The following UBAP2 variants were observed in gnomAD, a reference collection of about 807,000 sequenced individuals.
The protein encoded by UBAP2 is ubiquitin associated protein 2.
A neutral mutation model predicts 139.6 loss-of-function variants in UBAP2; 75 were observed. The observed-to-expected ratio is 0.54, with a 90% confidence interval of 0.45 to 0.65. UBAP2 has a LOEUF of 0.65. UBAP2 is among the 30% of genes least tolerant of loss of function. The pLI, the probability that UBAP2 is intolerant of heterozygous loss-of-function variation, is 0.00. For synonymous variants in UBAP2, 526 were observed against 526.2 expected (o/e 1.00, Z 0.01); for missense variants, 1,368 against 1,369.6 (o/e 1.00, Z 0.02).
chr9:33,936,605 C>T (rs1160483564), intron 16 of UBAP2, among the ~76,000 whole-genome samples: 1 of 152,128 alleles, frequency 6.6e-6, no homozygotes, highest in South Asian at 2.1e-4. Flanking sequence ...CATTGCGCCA[C>T]TGTACTCCAG....
At chr9:34,040,272 C>G (rs1826945598) in intron 1 of UBAP2, among the ~76,000 whole-genome samples, 1 of 138,960 alleles carries the variant, frequency 7.2e-6, no homozygotes, top group African/African-American at 2.7e-5. Context: ...TGCAGTGAGC[C>G]GAGCCCACGC....
chr9:33,955,249 G>A (rs1390523677), intron 11 of UBAP2, among the ~76,000 whole-genome samples: 3 of 151,926 alleles, frequency 2.0e-5, no homozygotes, highest in Admixed American at 6.6e-5. Context: ...GGCCAGGCGC[G>A]GTGGCTCACA....
In UBAP2 at chr9:33,948,425, A is replaced by T. The variant is rs753439500; in HGVS notation, c.1219T>A (p.Ser407Thr). The stretch of plus-strand genomic sequence containing the variant: ...GATGTTGGGGGCTTGAGGTCCCAAG[A>T]AGTAGTAGTTGTAGGGTGACTTGTA... ...NSTSHPTTTT[S>T]WDLKPPTSQS... Residue 407 changes from serine (S) to threonine (T), a missense_variant, in exon 13 of 29, where the codon TCT becomes ACT. Physicochemically the swap from Ser to Thr is moderately conservative, Grantham distance 58. Transcript: ENST00000379238. The T allele has an allele frequency of 1.4e-5, 23 of 1,613,780 alleles. No homozygotes were observed. The highest frequency in any genetic ancestry group is 1.9e-5 in the Non-Finnish European group (23 of 1,179,874).
At chr9:33,946,738 G>A (rs1039735626) in intron 13 of UBAP2, among the ~76,000 whole-genome samples, 2 of 152,118 alleles carry the variant, frequency 1.3e-5, no homozygotes, top group Non-Finnish European at 2.9e-5. Context: ...TGGCAGAGCT[G>A]GTTTAGGCGC....
At chr9:33,999,881 T>G (rs1822542008) in intron 2 of UBAP2, among the ~76,000 whole-genome samples, 1 of 73,884 alleles carries the variant, frequency 1.4e-5, no homozygotes, top group African/African-American at 3.8e-5. Flanking sequence ...TATGTATGTA[T>G]GTATGTATGT....
At position 33,968,137 on chromosome 9, in the gene UBAP2, G is replaced by T. The variant is rs1827609303; in HGVS notation, c.679+3514C>A. The T allele has an allele frequency of 5.3e-6, 3 of 563,254 alleles. No homozygotes were observed. The East Asian group carries it at 1.3e-4, about 25-fold the overall frequency. 34.9% of individuals were successfully genotyped at this position (563,254 alleles called of 1,614,324 possible). A position where few individuals can be genotyped will look rare whatever the true frequency, so the allele number is the denominator to read the frequency against. On this transcript the variant is annotated intron_variant, in intron 8 of 28. Transcript: ENST00000379238. ...CTCTAGCCATAAAAAAACTCAACAG[G>T]ACACAGACAAATCCAATGAATAGAA...
chr9:34,002,366 C>T (rs1156674545), intron 2 of UBAP2, among the ~76,000 whole-genome samples: 3 of 144,674 alleles, frequency 2.1e-5, no homozygotes, highest in South Asian at 2.2e-4. Context: ...TGACAATCCA[C>T]TGCATAGGTG....
chr9:33,998,957 T>C (rs930148629), intron 2 of UBAP2, 93 bp from the exon 3 acceptor site: 1 of 923,508 alleles, frequency 1.1e-6, no homozygotes, highest in Non-Finnish European at 1.7e-6. Context: ...TCTCAAGCAC[T>C]AGAAATACTA....
intron 9 of UBAP2, among the ~76,000 whole-genome samples, chr9:33,961,579 G>T (rs1394839002): frequency 6.6e-6 from 1 of 152,034 alleles, no homozygotes; most frequent in Non-Finnish European, 1.5e-5. Context: ...GAGGGCCATT[G>T]TTTACAGCAT....
chr9:33,968,405 A>C, intron 8 of UBAP2: 1 of 566,184 alleles, frequency 1.8e-6, no homozygotes, highest in Non-Finnish European at 3.5e-6. Context: ...GAAGCAAGAC[A>C]CCACCACCAG....
Position 33,941,777 on chromosome 9 carries a change from T to G in UBAP2, c.1801A>C (p.Thr601Pro). ...CTAGCAGAATTCAGTGATGAGCTTG[T>G]CAGACTGCAGGAGGTAATGACGGAA... is the stretch of plus-strand genomic sequence containing the variant. ...TTSVITSCSL[T>P]SSSLNSASPV... Residue 601 changes from threonine (T) to proline (P), a missense_variant, in exon 16 of 29, where the codon ACA becomes CCA. Transcript: ENST00000379238. The G allele has an allele frequency of 1.2e-6, 2 of 1,614,130 alleles. No homozygotes were observed. The highest frequency in any genetic ancestry group is 1.7e-6 in the Non-Finnish European group (2 of 1,180,014).
intron 4 of UBAP2, among the ~76,000 whole-genome samples, chr9:33,993,544 C>T (rs1223880028): frequency 1.3e-5 from 2 of 152,164 alleles, no homozygotes; most frequent in South Asian, 2.1e-4. Context: ...TAGTGGCATG[C>T]GCCTGTGGTC....
At chr9:34,036,377 A>G (rs2131349768) in intron 1 of UBAP2, among the ~76,000 whole-genome samples, 1 of 152,228 alleles carries the variant, frequency 6.6e-6, no homozygotes, top group South Asian at 2.1e-4. Context: ...TCGGCCTCCC[A>G]AAGTGCTGGG....
chr9:33,935,055 G>C (rs1025596211), intron 17 of UBAP2, among the ~76,000 whole-genome samples: 1 of 148,712 alleles, frequency 6.7e-6, no homozygotes, highest in Non-Finnish European at 1.5e-5. Flanking sequence ...CCTGAATAAA[G>C]AAAGAAAACT....
At chr9:34,027,168 G>A (rs1825467914) in intron 1 of UBAP2, among the ~76,000 whole-genome samples, 1 of 11,236 alleles carries the variant, frequency 8.9e-5, no homozygotes, top group African/African-American at 1.4e-4. Flanking sequence ...ACCTGCAGAA[G>A]ACAAAGCTCA....
At chr9:34,022,591 G>A (rs1054791486) in intron 1 of UBAP2, among the ~76,000 whole-genome samples, 1 of 151,508 alleles carries the variant, frequency 6.6e-6, no homozygotes, top group African/African-American at 2.4e-5. Context: ...ATGTGCCACC[G>A]TGCCCAGCCG....
chr9:34,024,168 G>C (rs192701147), intron 1 of UBAP2, among the ~76,000 whole-genome samples: 2 of 151,042 alleles, frequency 1.3e-5, no homozygotes, highest in East Asian at 2.0e-4. Flanking sequence ...AGACCAGCCC[G>C]ACCATCTCTA....
At chr9:33,956,243 A>G (rs1202520485) in intron 10 of UBAP2, 97 bp from the exon 11 acceptor site, 1 of 742,292 alleles carries the variant, frequency 1.3e-6, no homozygotes, top group East Asian at 2.7e-5. Context: ...AGTCTCTTAC[A>G]CTTCGCATAA....
chr9:33,949,964 A>T (rs1825966007), intron 12 of UBAP2, among the ~76,000 whole-genome samples: 1 of 152,238 alleles, frequency 6.6e-6, no homozygotes, highest in Admixed American at 6.5e-5. Flanking sequence ...TCCAAAGAGA[A>T]TGAAAGCCTA....
Sources: allele counts gnomAD v4.1 joint callset (sites outside exome capture counted in the v4.1 genomes callset), GRCh38; gene constraint gnomAD v4.1.1; transcripts MANE v1.5; gene names NCBI Gene and HGNC (gene_info 2026-07-23, HGNC 2026-07-21).